The following CHL1 variants were observed in gnomAD, a reference collection of about 807,000 sequenced individuals.
The protein encoded by CHL1 is cell adhesion molecule L1 like.
CHL1 carries 96 observed loss-of-function variants against 141.9 expected under a neutral mutation model. That is an observed-to-expected ratio of 0.68 (90% CI 0.57 to 0.80). The LOEUF (loss-of-function observed/expected upper bound fraction) is 0.80. Ranked by LOEUF, CHL1 falls within the 30% of genes least tolerant of loss-of-function variation. CHL1 has a pLI of 0.00. For synonymous variants in CHL1, 613 were observed against 502.2 expected, an observed-to-expected ratio of 1.22 and a Z score of -2.95; for missense variants, 1,820 against 1,457.2, an observed-to-expected ratio of 1.25 and a Z score of -4.05.
intron 2 of CHL1, among the ~76,000 whole-genome samples, chr3:279,180 C>T (rs1696416611): frequency 6.6e-6 from 1 of 152,196 alleles, no homozygotes; most frequent in Non-Finnish European, 1.5e-5. Context: ...TATAGTCCAG[C>T]ATTTATATAT....
At chr3:361,514 C>T (rs1054115543) in intron 12 of CHL1, among the ~76,000 whole-genome samples, 185 bp from the exon 13 acceptor site, 4 of 152,058 alleles carry the variant, frequency 2.6e-5, no homozygotes, top group Admixed American at 1.3e-4. Flanking sequence ...TGAACTCAAA[C>T]AAATTTACAA....
chr3:257,246 T>G (rs991615592), intron 2 of CHL1, among the ~76,000 whole-genome samples: 5 of 152,184 alleles, frequency 3.3e-5, no homozygotes, highest in African/African-American at 1.2e-4. Context: ...TTTAGTTCTC[T>G]TTCCCTTAAT....
intron 23 of CHL1, among the ~76,000 whole-genome samples, chr3:392,924 A>G (rs539483053): frequency 1.3e-5 from 2 of 150,616 alleles, no homozygotes; most frequent in South Asian, 2.1e-4. Flanking sequence ...TTAGAAATGT[A>G]CTATCACTAT....
intron 19 of CHL1, among the ~76,000 whole-genome samples, chr3:387,076 G>A (rs1249330415): frequency 6.6e-6 from 1 of 152,160 alleles, no homozygotes; most frequent in African/African-American, 2.4e-5. Context: ...ATCAAGGCAG[G>A]ACGGCAGTCT....
chr3:218,971 C>T (rs1700573182), intron 1 of CHL1, among the ~76,000 whole-genome samples: 1 of 151,904 alleles, frequency 6.6e-6, no homozygotes, highest in Non-Finnish European at 1.5e-5. Flanking sequence ...ACGGTGAAAC[C>T]CCGTCAGTAA....
At position 349,207 on chromosome 3, in the gene CHL1, G is replaced by C. The variant is rs898683520; in HGVS notation, c.849-152G>C. The C allele has an allele frequency of 2.8e-5, 18 of 640,160 alleles. No individual in the cohort carries two copies. The African/African-American group carries it at 2.9e-4, about 10-fold the overall frequency. 39.7% of individuals were successfully genotyped at this position (640,160 alleles called of 1,614,324 possible). A position where few individuals can be genotyped will look rare whatever the true frequency, so the allele number is the denominator to read the frequency against. ...CCAGTGTTCACTATTGTTGGTGGTG[G>C]GTGTGTCTGTCCACTGGTAAGGATG... On this transcript the variant is annotated intron_variant, in intron 9 of 27. Transcript: ENST00000256509.
rs563448131 is a variant in CHL1 at position 223,192 on chromosome 3, C to G, written c.-174-21421C>G. Among the ~76,000 whole-genome samples the G allele has an allele frequency of 2.0e-5, 3 of 152,278 alleles. No individual in the cohort carries two copies. In the South Asian group the frequency reaches 6.2e-4, roughly 32 times the overall value. The stretch of plus-strand genomic sequence containing the variant: ...GTTGCTCCACCCTTTAAACTCTTTT[C>G]TGGTTGATATATCCATAAAATTAAG... On this transcript the variant is annotated intron_variant, in intron 1 of 27. Transcript: ENST00000256509.
At chr3:296,045 T>G (rs1698158928) in intron 2 of CHL1, among the ~76,000 whole-genome samples, 1 of 152,154 alleles carries the variant, frequency 6.6e-6, no homozygotes, top group African/African-American at 2.4e-5. Context: ...TACTGATTGC[T>G]TTATATTTTT....
rs189077598 is a variant in CHL1, at chr3:199,576, T to C, written c.-175+2513T>C. 1.1e-4 allele frequency among the ~76,000 whole-genome samples: 16 copies of C among 152,316 alleles called. No homozygotes were observed. In the East Asian group the frequency reaches 2.5e-3, roughly 24 times the overall value. On this transcript the variant is annotated intron_variant, in intron 1 of 27. Coordinates refer to ENST00000256509, the MANE Select transcript of CHL1 (RefSeq NM_006614.4). ...ATTGCATTTAAGTTAATTCATCTCA[T>C]TACATGAATTGGTTTTAAATAAATT...
intron 2 of CHL1, among the ~76,000 whole-genome samples, chr3:298,376 C>T (rs893742605): frequency 2.6e-5 from 4 of 151,840 alleles, no homozygotes; most frequent in South Asian, 2.1e-4. Context: ...CAGTATAGCT[C>T]GCAAATGCTT....
intron 2 of CHL1, among the ~76,000 whole-genome samples, chr3:290,069 C>T (rs1697545822): frequency 6.6e-6 from 1 of 150,916 alleles, no homozygotes; most frequent in Non-Finnish European, 1.5e-5. Flanking sequence ...GTTTTTTTCT[C>T]TGTAAGGCAT....
intron 2 of CHL1, 52 bp downstream of exon 2, chr3:244,744 A>T (rs1692996797): frequency 1.3e-5 from 2 of 152,162 alleles, no homozygotes; most frequent in Non-Finnish European, 2.9e-5. Flanking sequence ...ATTGTATTTA[A>T]TTATTGCAGT....
At chr3:307,820 C>T (rs1290299837) in intron 2 of CHL1, among the ~76,000 whole-genome samples, 1 of 152,170 alleles carries the variant, frequency 6.6e-6, no homozygotes, top group Admixed American at 6.5e-5. Context: ...TGTTTAAGAC[C>T]TTTTGAATAT....
chr3:225,600 T>TTACC (rs1701246037), intron 1 of CHL1, among the ~76,000 whole-genome samples: 1 of 586 alleles, frequency 1.7e-3, no homozygotes. Flanking sequence ...CACAGTTCAA[T>TTACC]TACACAGACG....
chr3:395,823 G>A (rs1159573334), intron 24 of CHL1, among the ~76,000 whole-genome samples: 3 of 152,138 alleles, frequency 2.0e-5, no homozygotes, highest in African/African-American at 7.2e-5. Context: ...TTGTAGATTA[G>A]AAAAACGGTA....
chr3:363,739 A>G (rs1474080696), intron 14 of CHL1: 2 of 170,208 alleles, frequency 1.2e-5, no homozygotes, highest in African/African-American at 4.8e-5. Context: ...TTTTTGAGCT[A>G]AAGATTTCAC....
intron 2 of CHL1, among the ~76,000 whole-genome samples, chr3:258,870 T>G (rs1369001893): frequency 6.7e-6 from 1 of 148,600 alleles, no homozygotes; most frequent in Admixed American, 6.7e-5. Context: ...TAAGTCCCCT[T>G]TTTTTTTTTA....
At chr3:209,448 G>A (rs1699714123) in intron 1 of CHL1, among the ~76,000 whole-genome samples, 1 of 152,186 alleles carries the variant, frequency 6.6e-6, no homozygotes, top group Admixed American at 6.5e-5. Context: ...AAAATAAATT[G>A]ACATACCACC....
At chr3:225,737 T>C (rs148233699) in intron 1 of CHL1, among the ~76,000 whole-genome samples, 1,538 of 152,152 alleles carry the variant, frequency 0.01, 22 homozygotes, top group African/African-American at 0.03. Context: ...TGGCCAAGCG[T>C]GGTGGCTCAC....
Sources: gnomAD v4.1 joint callset for allele counts (sites outside exome capture counted in the v4.1 genomes callset) on GRCh38, gnomAD v4.1.1 for gene constraint, MANE v1.5 for transcripts, NCBI Gene and HGNC (gene_info 2026-07-23, HGNC 2026-07-21) for gene names.